The following NINL variants were observed in gnomAD, a reference collection of about 807,000 sequenced individuals.
NINL encodes the protein ninein like, also known as ninein-like protein.
A neutral mutation model predicts 160.3 loss-of-function variants in NINL; 153 were observed. The observed-to-expected ratio is 0.95, with a 90% CI of 0.84 to 1.09. The LOEUF (loss-of-function observed/expected upper bound fraction) is 1.09. Ranked by LOEUF, NINL falls within the 50% of genes least tolerant of loss-of-function variation. The pLI is 0.00. For missense variants in NINL, 1,829 were observed against 1,764.0 expected, an observed-to-expected ratio of 1.04 and a Z score of -0.66; for synonymous variants, 800 against 734.8, an observed-to-expected ratio of 1.09 and a Z score of -1.43.
chr20:25,505,890 C>A (rs2063952688), intron 5 of NINL, among the ~76,000 whole-genome samples: 2 of 152,188 alleles, frequency 1.3e-5, no homozygotes. Context: ...CAAAATAAAT[C>A]TTGGGGGAAA....
chr20:25,473,673 CAT>C (rs1318946582), intron 17 of NINL, among the ~76,000 whole-genome samples: 6 of 91,462 alleles, frequency 6.6e-5, no homozygotes, highest in African/African-American at 2.8e-4. Flanking sequence ...AAAATACACA[CAT>C]ACACACACAC....
intron 3 of NINL, among the ~76,000 whole-genome samples, 200 bp downstream of exon 3, chr20:25,517,553 G>A (rs1459328887): frequency 1.3e-5 from 2 of 152,198 alleles, no homozygotes; most frequent in East Asian, 1.9e-4. Flanking sequence ...CACAGTGCAC[G>A]TTATTATATG....
chr20:25,559,591 A>T (rs2064908567), intron 1 of NINL, among the ~76,000 whole-genome samples: 1 of 150,976 alleles, frequency 6.6e-6, no homozygotes, highest in African/African-American at 2.4e-5. Flanking sequence ...TCCATTCTCT[A>T]TCTTGCCAGG....
intron 13 of NINL, among the ~76,000 whole-genome samples, chr20:25,488,123 G>A (rs1050838833): frequency 1.1e-4 from 17 of 152,162 alleles, no homozygotes; most frequent in African/African-American, 2.9e-4. Flanking sequence ...CAGAAACACA[G>A]GCTGTGAGGG....
At chr20:25,454,358 G>T (rs893618570) in intron 23 of NINL, among the ~76,000 whole-genome samples, 18 of 152,308 alleles carry the variant, frequency 1.2e-4, no homozygotes, top group African/African-American at 4.1e-4. Flanking sequence ...CTGGGCTGTG[G>T]CCTGTGCTCA....
intron 1 of NINL, among the ~76,000 whole-genome samples, chr20:25,553,885 G>C (rs1163955134): frequency 6.6e-6 from 1 of 152,240 alleles, no homozygotes; most frequent in Admixed American, 6.5e-5. Context: ...GAGGGAGACA[G>C]AGCAGAACAC....
chr20:25,492,627 A>G (rs998864959), intron 10 of NINL, among the ~76,000 whole-genome samples: 22 of 151,896 alleles, frequency 1.4e-4, no homozygotes, highest in Non-Finnish European at 2.5e-4. Flanking sequence ...AATTTTTTGT[A>G]TTTTTTAGTA....
intron 1 of NINL, among the ~76,000 whole-genome samples, chr20:25,564,569 T>C (rs1235097885): frequency 1.3e-5 from 2 of 151,890 alleles, no homozygotes; most frequent in African/African-American, 4.8e-5. Flanking sequence ...CTTTCTGCCT[T>C]GGCCTCCCAA....
At chr20:25,477,661 T>C (rs417110) in intron 16 of NINL, among the ~76,000 whole-genome samples, 71,731 of 152,108 alleles carry the variant, frequency 0.47, 17,600 homozygotes, top group East Asian at 0.92. Context: ...AGGAAGTGGT[T>C]GGAGGGCCTC....
chr20:25,552,307 G>A (rs1033710510), intron 1 of NINL, among the ~76,000 whole-genome samples: 3 of 152,082 alleles, frequency 2.0e-5, no homozygotes, highest in African/African-American at 7.2e-5. Context: ...GCAAAGGTGG[G>A]AGGACCACTT....
At chr20:25,456,759 C>T (rs1434909398) in intron 22 of NINL, among the ~76,000 whole-genome samples, 2 of 151,182 alleles carry the variant, frequency 1.3e-5, no homozygotes, top group East Asian at 2.0e-4. Flanking sequence ...GGTGAAATCC[C>T]GTCTCTACCA....
chr20:25,532,447 G>T (rs907928857), intron 1 of NINL, among the ~76,000 whole-genome samples: 3 of 152,232 alleles, frequency 2.0e-5, no homozygotes, highest in African/African-American at 7.2e-5. Context: ...GCAGTAGGGG[G>T]AGCCCACCCA....
intron 3 of NINL, among the ~76,000 whole-genome samples, chr20:25,515,012 G>A (rs2064136645): frequency 6.6e-6 from 1 of 152,168 alleles, no homozygotes; most frequent in Non-Finnish European, 1.5e-5. Context: ...ATGGGGTTGG[G>A]GCCCACCCAG....
chr20:25,525,923 T>C (rs1005344757), intron 2 of NINL, among the ~76,000 whole-genome samples: 2 of 152,224 alleles, frequency 1.3e-5, no homozygotes, highest in African/African-American at 2.4e-5. Context: ...AATTATGGGA[T>C]ACTTTTGGAC....
At position 25,500,980 on chromosome 20, in the gene NINL, T is replaced by C; in HGVS notation, c.892A>G (p.Thr298Ala). The C allele has an allele frequency of 6.2e-7, 1 of 1,614,104 alleles. No individual in the cohort carries two copies. Among genetic ancestry groups the C allele is most frequent in the South Asian group, 1.1e-5 (1 of 91,082 alleles). ...CACAGGGACACGAGGGATGAGGTTG[T>C]GGTGGTGTGGCAGCCGCTCTCCTCT... The part of the protein sequence containing the change: ...VPEESGCHTT[T>A]TSSLVSLCSS... Residue 298 changes from threonine (T) to alanine (A), a missense_variant, in exon 8 of 24, where the codon ACA becomes GCA. Coordinates refer to ENST00000278886, the MANE Select transcript of NINL (RefSeq NM_025176.6).
intron 6 of NINL, 91 bp downstream of exon 6, chr20:25,504,797 G>T: frequency 7.5e-7 from 1 of 1,324,994 alleles, no homozygotes; most frequent in Non-Finnish European, 1.1e-6. Context: ...ACCTACATGA[G>T]TGGCTGAAGG....
At chr20:25,505,194 A>G (rs1278332234) in intron 5 of NINL, 116 bp from the exon 6 acceptor site, 2 of 946,396 alleles carry the variant, frequency 2.1e-6, no homozygotes, top group Admixed American at 3.2e-5. Context: ...TGTGGAGGAC[A>G]TTACGCTAAG....
intron 14 of NINL, among the ~76,000 whole-genome samples, chr20:25,481,236 G>A (rs188449553): frequency 1.1e-3 from 163 of 152,320 alleles, no homozygotes; most frequent in African/African-American, 3.3e-3. Flanking sequence ...AGCGAGGGGA[G>A]CAGGTGGGGC....
chr20:25,583,988 G>A (rs1435524885), intron 1 of NINL, among the ~76,000 whole-genome samples: 1 of 152,044 alleles, frequency 6.6e-6, no homozygotes, highest in East Asian at 1.9e-4. Context: ...GTCGGGGCGG[G>A]TGGGGGGCAA....
Sources: gnomAD v4.1 joint callset for allele counts (sites outside exome capture counted in the v4.1 genomes callset) on GRCh38, gnomAD v4.1.1 for gene constraint, MANE v1.5 for transcripts, NCBI Gene and HGNC (gene_info 2026-07-23, HGNC 2026-07-21) for gene names.